The following SCMH1 variants were observed in gnomAD, a reference collection of about 807,000 sequenced individuals.
SCMH1 encodes the protein polycomb protein SCMH1.
A neutral mutation model predicts 70.8 loss-of-function variants in SCMH1; 37 were observed. The ratio of observed to expected loss-of-function variants is 0.52; its 90% confidence interval spans 0.40 to 0.69. The LOEUF (loss-of-function observed/expected upper bound fraction) is 0.69. Ranked by LOEUF, SCMH1 falls within the 30% of genes least tolerant of loss-of-function variation. The pLI is 0.00. For missense variants in SCMH1, 607 were observed against 827.3 expected, an observed-to-expected ratio of 0.73 and a Z score of 3.27; for synonymous variants, 292 against 307.4, an observed-to-expected ratio of 0.95 and a Z score of 0.52.
intron 6 of SCMH1, among the ~76,000 whole-genome samples, chr1:41,131,574 T>G (rs751998047): frequency 6.6e-6 from 1 of 152,228 alleles, no homozygotes; most frequent in Non-Finnish European, 1.5e-5. Context: ...TGTATTATAC[T>G]TTAAATTCTG....
intron 10 of SCMH1, among the ~76,000 whole-genome samples, chr1:41,062,881 T>C (rs550546768): frequency 8.9e-5 from 13 of 145,304 alleles, no homozygotes; most frequent in African/African-American, 3.1e-4. Flanking sequence ...ATCGCACCAT[T>C]GCACTCCAGC....
Position 41,088,381 on chromosome 1 carries a change from T to C in SCMH1, c.746-12930A>G, listed in dbSNP as rs952052078. On this transcript the variant is annotated intron_variant, in intron 8 of 14. Coordinates refer to ENST00000337495, the Ensembl canonical transcript of SCMH1. ...CTCTTGGAAGCAAGTTAATTTTCTA[T>C]ATATTCAAAAAATAAAATTAAATCC... 2.0e-5 allele frequency among the ~76,000 whole-genome samples: 3 copies of C among 152,168 alleles called. No individual in the cohort carries two copies. In the South Asian group the frequency reaches 6.2e-4, roughly 32 times the overall value.
chr1:41,221,923 G>C (rs75588418), intron 1 of SCMH1, among the ~76,000 whole-genome samples: 3 of 88,354 alleles, frequency 3.4e-5, no homozygotes, highest in African/African-American at 1.3e-4. Context: ...AAAAAAAAAA[G>C]CTAGGAAACA....
At chr1:41,198,708 T>C (rs998360290) in intron 1 of SCMH1, among the ~76,000 whole-genome samples, 14 of 152,274 alleles carry the variant, frequency 9.2e-5, no homozygotes, top group South Asian at 4.1e-4. Context: ...CACACTATAA[T>C]TGGATTGCAT....
chr1:41,157,542 A>C (rs922851261), intron 4 of SCMH1, among the ~76,000 whole-genome samples: 1 of 152,222 alleles, frequency 6.6e-6, no homozygotes. Flanking sequence ...AGGCAACAGA[A>C]AGAGAGCCTT....
At chr1:41,140,295 CTTT>C (rs61401237) in intron 6 of SCMH1, among the ~76,000 whole-genome samples, 25 of 145,680 alleles carry the variant, frequency 1.7e-4, no homozygotes, top group Non-Finnish European at 2.1e-4. Flanking sequence ...ACCCCAATAA[CTTT>C]TTTTTTTTTT....
At position 41,113,788 on chromosome 1, in the gene SCMH1, T is replaced by G. The variant is rs1557498953; in HGVS notation, c.502-262A>C. On this transcript the variant is annotated intron_variant, in intron 7 of 14. Transcript: ENST00000337495. This position sits in a 1 kb window ranked among gnomAD's most constrained non-coding sequence, Gnocchi z 4.3. ...GCAGATAAAGTTGAATCTCCCTTTC[T>G]GCCCTTCCCATATTCCATTCCCCCT... 6.6e-6 allele frequency among the ~76,000 whole-genome samples: 1 copy of G among 152,208 alleles called. No homozygotes were observed. Among genetic ancestry groups the G allele is most frequent in the Non-Finnish European group, 1.5e-5 (1 of 68,032 alleles).
chr1:41,106,246 G>A (rs1667885482), intron 8 of SCMH1, among the ~76,000 whole-genome samples: 1 of 151,746 alleles, frequency 6.6e-6, no homozygotes, highest in Non-Finnish European at 1.5e-5. Context: ...CCCCAGCGTT[G>A]GAGGTGGGGC....
chr1:41,069,832 A>G (rs1364499706), intron 10 of SCMH1, among the ~76,000 whole-genome samples: 3 of 152,158 alleles, frequency 2.0e-5, no homozygotes. Context: ...ACTATGTCTG[A>G]GCCTTCCCTT....
intron 13 of SCMH1, among the ~76,000 whole-genome samples, 170 bp downstream of exon 13, chr1:41,037,192 T>TC (rs1645426080): frequency 2.0e-5 from 3 of 152,144 alleles, no homozygotes; most frequent in Admixed American, 2.0e-4. Flanking sequence ...ATCCTGGAGC[T>TC]CCAATTACCT....
At chr1:41,160,685 T>G (rs1645939780) in intron 4 of SCMH1, among the ~76,000 whole-genome samples, 190 bp downstream of exon 4, 2 of 152,176 alleles carry the variant, frequency 1.3e-5, no homozygotes, top group South Asian at 4.1e-4. Flanking sequence ...GGCCTACTGA[T>G]AAGCAGGACT....
intron 2 of SCMH1, among the ~76,000 whole-genome samples, chr1:41,167,148 T>C (rs1323541838): frequency 6.6e-6 from 1 of 152,146 alleles, no homozygotes; most frequent in Non-Finnish European, 1.5e-5. Context: ...TCACATTTAT[T>C]CATTTCCATC....
At chr1:41,164,437 G>A (rs1437652250) in intron 2 of SCMH1, among the ~76,000 whole-genome samples, 2 of 62,994 alleles carry the variant, frequency 3.2e-5, no homozygotes, top group African/African-American at 1.0e-4. Context: ...CACTCTTAGG[G>A]GATGACTTTA....
rs1407308040 is a variant in SCMH1 at position 41,113,022 on chromosome 1, T to C, written c.745+261A>G. 2.0e-5 allele frequency among the ~76,000 whole-genome samples: 3 copies of C among 152,214 alleles called. No homozygotes were observed. The South Asian group carries it at 6.2e-4, about 32-fold the overall frequency. On this transcript the variant is annotated intron_variant, in intron 8 of 14. Coordinates refer to ENST00000337495, the Ensembl canonical transcript of SCMH1. This position sits in a 1 kb window ranked among gnomAD's most constrained non-coding sequence, Gnocchi z 4.3. ...AAAAGTAAGAGAGATGAAAAGCTGG[T>C]TGCCTGAGAATAAACCAGGATATGT...
intron 8 of SCMH1, among the ~76,000 whole-genome samples, chr1:41,099,875 CT>C: frequency 6.6e-6 from 1 of 152,266 alleles, no homozygotes. Flanking sequence ...TGTTAACTTT[CT>C]TTCTTCTTAA....
chr1:41,031,794 A>T (rs903272634), intron 13 of SCMH1, among the ~76,000 whole-genome samples: 1 of 152,202 alleles, frequency 6.6e-6, no homozygotes, highest in Non-Finnish European at 1.5e-5. Flanking sequence ...CTCTAATCAG[A>T]GGCTAGATAC....
chr1:41,092,456 G>C (rs1036557982), intron 8 of SCMH1, among the ~76,000 whole-genome samples: 2 of 152,144 alleles, frequency 1.3e-5, no homozygotes, highest in East Asian at 3.9e-4. Context: ...TCAGGACATA[G>C]GCATGGGCAA....
At chr1:41,105,122 A>T (rs999629953) in intron 8 of SCMH1, among the ~76,000 whole-genome samples, 2 of 143,712 alleles carry the variant, frequency 1.4e-5, no homozygotes, top group South Asian at 4.5e-4. Flanking sequence ...TGCTCAGCTA[A>T]TTTTTTTTTT....
Position 41,072,996 on chromosome 1 carries a change from A to T in SCMH1, c.978+2223T>A, listed in dbSNP as rs530611597. The stretch of plus-strand genomic sequence containing the variant: ...TATCAAATGCTAGGACATAAAACAC[A>T]GGAAAAGATGAGAATGACTGCTTTC... On this transcript the variant is annotated intron_variant, in intron 9 of 14. Transcript: ENST00000337495. 9.2e-5 allele frequency among the ~76,000 whole-genome samples: 14 copies of T among 152,350 alleles called. No individual in the cohort carries two copies. In the South Asian group the frequency reaches 2.9e-3, roughly 32 times the overall value.
Sources: allele counts gnomAD v4.1 joint callset (sites outside exome capture counted in the v4.1 genomes callset), GRCh38; gene constraint gnomAD v4.1.1; non-coding constraint Gnocchi (gnomAD v3.1); transcripts MANE v1.5; gene names NCBI Gene and HGNC (gene_info 2026-07-23, HGNC 2026-07-21).